The following RAD51B variants were observed in gnomAD, a reference collection of about 807,000 sequenced individuals.
RAD51B encodes RAD51 paralog B, also known as DNA repair protein RAD51 homolog 2.
In RAD51B, 38 loss-of-function variants were observed where a neutral mutation model predicts 42.2. The observed-to-expected ratio is 0.90, with a 90% CI of 0.70 to 1.18. The LOEUF is 1.18. RAD51B is among the 50% of genes most tolerant of loss of function. RAD51B has a pLI of 0.00. For missense variants in RAD51B, 373 were observed against 400.7 expected (o/e 0.93, Z 0.59); for synonymous variants, 154 against 145.2 (o/e 1.06, Z -0.43).
At chr14:68,468,063 G>T in intron 9 of RAD51B, 109 bp from the exon 10 acceptor site, 29 of 843,064 alleles carry the variant, frequency 3.4e-5, no homozygotes, top group South Asian at 4.4e-5. Flanking sequence ...AATAAGCCTT[G>T]TGACTTACAG....
chr14:67,981,662 G>A (rs2075095617), intron 7 of RAD51B, among the ~76,000 whole-genome samples: 1 of 152,140 alleles, frequency 6.6e-6, no homozygotes, highest in Admixed American at 6.5e-5. Context: ...TAACAACATG[G>A]ATGGCACTTA....
intron 10 of RAD51B, among the ~76,000 whole-genome samples, chr14:68,494,183 G>A (rs1417958336): frequency 2.0e-5 from 3 of 151,968 alleles, no homozygotes; most frequent in Admixed American, 1.3e-4. Context: ...AGGAGACTGA[G>A]GCAGGAGAAT....
At chr14:68,125,799 T>G (rs1440705348) in intron 7 of RAD51B, among the ~76,000 whole-genome samples, 1 of 152,136 alleles carries the variant, frequency 6.6e-6, no homozygotes, top group Non-Finnish European at 1.5e-5. Flanking sequence ...GATTAGTCAG[T>G]TGATCTTAAA....
chr14:68,676,865 G>A (rs1436795355), intron 11 of RAD51B, among the ~76,000 whole-genome samples: 1 of 152,228 alleles, frequency 6.6e-6, no homozygotes, highest in Non-Finnish European at 1.5e-5. Flanking sequence ...CCACATGCAG[G>A]CAGGGCCAGC....
intron 8 of RAD51B, among the ~76,000 whole-genome samples, chr14:68,407,394 T>C (rs1165982547): frequency 6.6e-6 from 1 of 152,244 alleles, no homozygotes; most frequent in South Asian, 2.1e-4. Flanking sequence ...TGTGCTATAC[T>C]TTTATACAGC....
At chr14:68,602,491 T>G (rs1293136297) in intron 10 of RAD51B, among the ~76,000 whole-genome samples, 1 of 134,940 alleles carries the variant, frequency 7.4e-6, no homozygotes, top group Admixed American at 7.5e-5. Flanking sequence ...GGATGGATGA[T>G]GGATGGATGG....
At chr14:67,946,857 T>C (rs1371075314) in intron 7 of RAD51B, among the ~76,000 whole-genome samples, 1 of 152,240 alleles carries the variant, frequency 6.6e-6, no homozygotes, top group Non-Finnish European at 1.5e-5. Flanking sequence ...AACAGGATAG[T>C]TATAACTTAA....
chr14:68,493,169 C>T (rs1165227160), intron 10 of RAD51B, among the ~76,000 whole-genome samples: 1 of 152,104 alleles, frequency 6.6e-6, no homozygotes, highest in African/African-American at 2.4e-5. Context: ...TGGGTCTGCC[C>T]TTCCCATCCC....
At chr14:68,016,974 A>G (rs551190842) in intron 7 of RAD51B, among the ~76,000 whole-genome samples, 1 of 152,336 alleles carries the variant, frequency 6.6e-6, no homozygotes, top group South Asian at 2.1e-4. Context: ...ATCAAAATTT[A>G]AAAATATAGA....
At chr14:68,086,526 C>T (rs1310218664) in intron 7 of RAD51B, among the ~76,000 whole-genome samples, 7 of 152,126 alleles carry the variant, frequency 4.6e-5, no homozygotes, top group African/African-American at 1.2e-4. Context: ...AGGGACCACG[C>T]GCTCCCCTTC....
intron 7 of RAD51B, among the ~76,000 whole-genome samples, chr14:68,212,862 T>C (rs763121020): frequency 3.9e-5 from 6 of 152,210 alleles, no homozygotes; most frequent in Non-Finnish European, 7.4e-5. Flanking sequence ...GTTCATCTTA[T>C]TGGTTATGGA....
intron 7 of RAD51B, among the ~76,000 whole-genome samples, chr14:68,067,753 G>GAC (rs1163728369): frequency 1.3e-5 from 2 of 151,162 alleles, no homozygotes; most frequent in African/African-American, 4.9e-5. Context: ...AACACAGCAA[G>GAC]ACCCCATCTT....
intron 7 of RAD51B, among the ~76,000 whole-genome samples, chr14:67,916,082 G>A (rs1438138589): frequency 6.6e-6 from 1 of 152,142 alleles, no homozygotes; most frequent in African/African-American, 2.4e-5. Flanking sequence ...CTATTAGGGG[G>A]TCAGAAATCT....
chr14:67,968,344 G>T (rs1432879371), intron 7 of RAD51B, among the ~76,000 whole-genome samples: 1 of 152,222 alleles, frequency 6.6e-6, no homozygotes, highest in Admixed American at 6.5e-5. Flanking sequence ...GCAAATTTCT[G>T]CAGCCAGCTT....
intron 9 of RAD51B, among the ~76,000 whole-genome samples, chr14:68,456,779 T>C (rs1270302276): frequency 6.7e-6 from 1 of 149,962 alleles, no homozygotes; most frequent in Non-Finnish European, 1.5e-5. Context: ...CAGATACATG[T>C]TCTTCTCAAG....
At chr14:68,546,246 C>T (rs1373460193) in intron 10 of RAD51B, among the ~76,000 whole-genome samples, 1 of 152,116 alleles carries the variant, frequency 6.6e-6, no homozygotes, top group Non-Finnish European at 1.5e-5. Context: ...GTGCTGAGAG[C>T]CTAATCCGGG....
chr14:68,001,518 T>C (rs1048472449), intron 7 of RAD51B, among the ~76,000 whole-genome samples: 9 of 151,834 alleles, frequency 5.9e-5, no homozygotes, highest in African/African-American at 1.9e-4. Flanking sequence ...GGTAATGGAG[T>C]TTATTTATTT....
chr14:68,186,363 G>A (rs1046446275), intron 7 of RAD51B, among the ~76,000 whole-genome samples: 2 of 152,088 alleles, frequency 1.3e-5, no homozygotes, highest in African/African-American at 4.8e-5. Flanking sequence ...TTGACAGATG[G>A]GACCTAATTA....
chr14:68,048,885 T>G (rs979877427), intron 7 of RAD51B, among the ~76,000 whole-genome samples: 1 of 152,168 alleles, frequency 6.6e-6, no homozygotes, highest in African/African-American at 2.4e-5. Context: ...TATAAATCAT[T>G]CTGCTATAAA....
Sources: allele counts gnomAD v4.1 joint callset (sites outside exome capture counted in the v4.1 genomes callset), GRCh38; gene constraint gnomAD v4.1.1; transcripts MANE v1.5; gene names NCBI Gene and HGNC (gene_info 2026-07-23, HGNC 2026-07-21).